Variants in SKIC3 observed in about 807,000 individuals in gnomAD.
SKIC3 encodes the protein SKI3 subunit of superkiller complex.
chr5:95,507,569 G>A, the SKIC3 span, among the ~76,000 whole-genome samples: 6 of 152,202 alleles, frequency 3.9e-5, no homozygotes, highest in Non-Finnish European at 7.4e-5. Context: ...ATGTCTTAAC[G>A]ACTAAAAAGA....
the SKIC3 span, chr5:95,478,263 A>C: frequency 6.2e-7 from 1 of 1,612,478 alleles, no homozygotes; most frequent in Non-Finnish European, 8.5e-7. Context: ...TCAATTTTTC[A>C]TGATCATAAT....
chr5:95,467,554 T>C, the SKIC3 span, among the ~76,000 whole-genome samples: 18 of 152,292 alleles, frequency 1.2e-4, no homozygotes, highest in East Asian at 3.3e-3. Context: ...AACAGTTCTG[T>C]TATTTATGCC....
chr5:95,469,842 G>A, the SKIC3 span: 1 of 1,614,154 alleles, frequency 6.2e-7, no homozygotes. Context: ...GTGGACAAAA[G>A]CAAAGCTTCA....
chr5:95,523,621 AAAAAC>A, the SKIC3 span: 1 of 1,608,892 alleles, frequency 6.2e-7, no homozygotes, highest in Non-Finnish European at 8.5e-7. Context: ...TCAGGATAAA[AAAAAC>A]AAAAAGCAAA....
chr5:95,547,295 C>T, the SKIC3 span: 4 of 695,388 alleles, frequency 5.8e-6, no homozygotes, highest in African/African-American at 1.8e-5. Flanking sequence ...AGAATATACA[C>T]AGTTTATTCC....
At chr5:95,525,274 TAAAGCCTAC>T in the SKIC3 span, 4 of 909,580 alleles carry the variant, frequency 4.4e-6, no homozygotes, top group Non-Finnish European at 7.0e-6. Flanking sequence ...TACTAAAACT[TAAAGCCTAC>T]AAAGATCAAA....
chr5:95,525,499 A>C, the SKIC3 span: 1 of 1,613,990 alleles, frequency 6.2e-7, no homozygotes, highest in Non-Finnish European at 8.5e-7. Context: ...GGTCTTCCAT[A>C]ATCTATAAAG....
chr5:95,477,282 A>T, the SKIC3 span, among the ~76,000 whole-genome samples: 1 of 152,336 alleles, frequency 6.6e-6, no homozygotes, highest in Admixed American at 6.5e-5. Flanking sequence ...AGAGCAAGGA[A>T]GCAAAAATGA....
chr5:95,469,702 T>C, the SKIC3 span: 1 of 1,594,848 alleles, frequency 6.3e-7, no homozygotes, highest in East Asian at 2.2e-5. Context: ...TTAAAGTTTA[T>C]AATCTTTCCT....
the SKIC3 span, among the ~76,000 whole-genome samples, chr5:95,468,797 G>T: frequency 2.6e-5 from 4 of 152,128 alleles, no homozygotes; most frequent in Non-Finnish European, 5.9e-5. Flanking sequence ...ATTATGGGAG[G>T]TGTTAACAAA....
At chr5:95,537,877 G>C in the SKIC3 span, among the ~76,000 whole-genome samples, 1 of 152,072 alleles carries the variant, frequency 6.6e-6, no homozygotes, top group African/African-American at 2.4e-5. Context: ...ATTTTCTTTG[G>C]AAAGTATGGT....
the SKIC3 span, among the ~76,000 whole-genome samples, chr5:95,544,142 T>C: frequency 1.3e-5 from 2 of 152,202 alleles, no homozygotes; most frequent in Non-Finnish European, 2.9e-5. Context: ...CTCCATTCTA[T>C]CTGTGAACAC....
chr5:95,540,655 T>C, the SKIC3 span: 1 of 1,612,530 alleles, frequency 6.2e-7, no homozygotes, highest in East Asian at 2.2e-5. Flanking sequence ...TGATCAATTT[T>C]CATGAACAAA....
chr5:95,540,912 T>A, the SKIC3 span: 1 of 1,364,444 alleles, frequency 7.3e-7, no homozygotes, highest in Admixed American at 1.7e-5. Flanking sequence ...AATAAAAACA[T>A]TTTTAATTTG....
chr5:95,523,260 A>G, the SKIC3 span: 1 of 1,613,948 alleles, frequency 6.2e-7, no homozygotes, highest in Middle Eastern at 1.6e-4. Context: ...CGCCTAAGCC[A>G]GGCCCATTTT....
chr5:95,468,003 A>G, the SKIC3 span: 1 of 1,612,610 alleles, frequency 6.2e-7, no homozygotes, highest in Non-Finnish European at 8.5e-7. Context: ...GAAAAAAAAA[A>G]TTTACATTTA....
At chr5:95,496,320 A>C in the SKIC3 span, among the ~76,000 whole-genome samples, 3 of 152,096 alleles carry the variant, frequency 2.0e-5, no homozygotes, top group African/African-American at 7.2e-5. Flanking sequence ...GCCTGGCCCA[A>C]ATGCTAACAA....
chr5:95,550,475 A>T, the SKIC3 span: 1 of 152,094 alleles, frequency 6.6e-6, no homozygotes, highest in Non-Finnish European at 1.5e-5. Context: ...CATTAAAAAA[A>T]AAAAAAAAAC....
At chr5:95,548,292 G>A in the SKIC3 span, among the ~76,000 whole-genome samples, 1 of 152,004 alleles carries the variant, frequency 6.6e-6, no homozygotes, top group East Asian at 1.9e-4. Flanking sequence ...ATGGTACACT[G>A]ACAGTCCTTT....
Sources: gnomAD v4.1 joint callset for allele counts (sites outside exome capture counted in the v4.1 genomes callset) on GRCh38, gnomAD v4.1.1 for gene constraint, MANE v1.5 for transcripts, NCBI Gene and HGNC (gene_info 2026-07-23, HGNC 2026-07-21) for gene names.